TMF1: variants seen among roughly 807,000 people sequenced by gnomAD.
TMF1 encodes TATA element modulatory factor 1.
Under a neutral mutation model 126.5 loss-of-function variants are expected in TMF1, and 71 were observed. The observed-to-expected ratio is 0.56, with a 90% confidence interval of 0.46 to 0.68. The LOEUF is 0.68. Ranked by LOEUF, TMF1 falls within the 30% of genes least tolerant of loss-of-function variation. The pLI, the probability that TMF1 is intolerant of heterozygous loss-of-function variation, is 0.00. For synonymous variants in TMF1, 461 were observed against 430.5 expected, an observed-to-expected ratio of 1.07 and a Z score of -0.88; for missense variants, 1,259 against 1,253.2, an observed-to-expected ratio of 1.00 and a Z score of -0.07.
Position 69,043,879 on chromosome 3 carries a change from A to G in TMF1, c.1452-3T>C. 2.5e-6 allele frequency: 4 copies of G among 1,594,602 alleles called. No individual in the cohort carries two copies. Among genetic ancestry groups the G allele is most frequent in the Non-Finnish European group, 3.4e-6 (4 of 1,171,814 alleles). On this transcript the variant is annotated splice_polypyrimidine_tract_variant and splice_region_variant and intron_variant, in intron 3 of 16. Transcript: ENST00000398559. ...CTTCTTTCACTCTGAACATTTCACT[A>G]AATTTAAAATAATATTTGAGAATGA...
Position 69,029,835 on chromosome 3 carries a change from T to C in TMF1, c.2574A>G (p.Lys858=). ...CTCACCTATTGTTCTCATCCTCCAG[T>C]TTACACAGCCTATTTTTCTCTGATT... The part of the protein sequence containing the change: ...QLESEKNRLC[K]LEDENNRYQV... Residue 858 remains lysine (K), a synonymous_variant, in exon 11 of 17, where the codon AAA becomes AAG. Transcript: ENST00000398559. The C allele has an allele frequency of 6.2e-7, 1 of 1,612,614 alleles. No individual in the cohort carries two copies.
rs2091747505 is a variant in TMF1, at chr3:69,022,930, G to C, written c.*247C>G. 9.0e-6 allele frequency: 3 copies of C among 332,656 alleles called. No individual in the cohort carries two copies. The highest frequency in any genetic ancestry group is 1.6e-5 in the Non-Finnish European group (3 of 184,314). 20.6% of individuals were successfully genotyped at this position (332,656 alleles called of 1,614,324 possible). A position where few individuals can be genotyped will look rare whatever the true frequency, so the allele number is the denominator to read the frequency against. ...AGTAATAAATCTCTGTGCTATTCAA[G>C]GAAAAAAAATGAATGCTTTAAAAAA... On this transcript the variant is annotated 3_prime_UTR_variant, in exon 17 of 17. Coordinates refer to ENST00000398559, the MANE Select transcript of TMF1 (RefSeq NM_007114.3).
In TMF1 at chr3:69,048,110, T is replaced by C; in HGVS notation, c.595A>G (p.Ser199Gly). Reference protein sequence around the residue: ...VPTVSLKVSESVIDVKTTMES... With the variant: ...VPTVSLKVSEGVIDVKTTMES... ...ATAGTTGTTTTCACATCAATTACAC[T>C]TTCAGATACTTTCAAACTTACAGTT... Residue 199 changes from serine to glycine, a missense_variant, in exon 2 of 17, where the codon AGT becomes GGT. Transcript: ENST00000398559. The C allele has an allele frequency of 6.2e-7, 1 of 1,614,214 alleles. No individual in the cohort carries two copies. The highest frequency in any genetic ancestry group is 2.2e-5 in the East Asian group (1 of 44,888).
intron 8 of TMF1, among the ~76,000 whole-genome samples, chr3:69,037,322 A>C (rs6549177): frequency 6.6e-6 from 1 of 152,016 alleles, no homozygotes; most frequent in Non-Finnish European, 1.5e-5. Flanking sequence ...CTGAAACCCC[A>C]TGTCTACTAA....
chr3:69,023,330 G>A lies in TMF1; in HGVS notation c.3139-10C>T, dbSNP rs17048274. On this transcript the variant is annotated splice_polypyrimidine_tract_variant and intron_variant, in intron 16 of 16. Coordinates refer to ENST00000398559, the MANE Select transcript of TMF1 (RefSeq NM_007114.3). ...ACCTTTGATCCAAATCCTGAAAAAT[G>A]TATTTGTTTACAATTTTTAAAATAA... 34,750 of 1,598,496 alleles carry A rather than the reference G, an allele frequency of 0.022. 406 individuals are homozygous for A. Among genetic ancestry groups the A allele is most frequent in the Non-Finnish European group, 0.023 (27,333 of 1,172,686 alleles).
In TMF1 at chr3:69,038,619, G is replaced by A. The variant is rs2091845798; in HGVS notation, c.2096C>T (p.Ala699Val). The A allele has an allele frequency of 3.7e-6, 6 of 1,614,004 alleles. No homozygotes were observed. Among genetic ancestry groups the A allele is most frequent in the East Asian group, 4.5e-5 (2 of 44,890 alleles). The change falls in exon 8 of 17, where the codon GCA (alanine) becomes GTA (valine). Residue 699 changes from alanine (A) to valine (V), a missense_variant. By Grantham distance (64) the Ala-to-Val change is moderately conservative (BLOSUM62 0). Transcript: ENST00000398559. ...GGCTTCTTCTTGGGCCTTCTCTAAT[G>A]CTGCAGAAAGTTCTTCTTTAGCTTT... is the stretch of plus-strand genomic sequence containing the variant. ...EMKAKEELSA[A>V]LEKAQEEARQ...
intron 5 of TMF1, among the ~76,000 whole-genome samples, chr3:69,042,091 C>T (rs151086880): frequency 0.022 from 3,325 of 152,198 alleles, 53 homozygotes; most frequent in Non-Finnish European, 0.036. Context: ...GGCTGCAGTA[C>T]AGTGGCGTGA....
At chr3:69,034,157 T>C (rs1287910053) in intron 9 of TMF1, among the ~76,000 whole-genome samples, 1 of 152,106 alleles carries the variant, frequency 6.6e-6, no homozygotes, top group East Asian at 1.9e-4. Context: ...GAGAGTTAGA[T>C]TGTGTAATAC....
intron 9 of TMF1, among the ~76,000 whole-genome samples, chr3:69,034,185 T>C (rs1250752220): frequency 6.6e-6 from 1 of 152,154 alleles, no homozygotes; most frequent in Non-Finnish European, 1.5e-5. Context: ...AAATAAGTAC[T>C]TCTTTGGCCA....
At chr3:69,027,016 GAA>G (rs1284999690) in intron 13 of TMF1, among the ~76,000 whole-genome samples, 1 of 151,650 alleles carries the variant, frequency 6.6e-6, no homozygotes, top group Admixed American at 6.6e-5. Flanking sequence ...ATTTTTTTGA[GAA>G]AGAGTCTCGA....
intron 8 of TMF1, 26 bp downstream of exon 8, chr3:69,038,538 A>C (rs2091845071): frequency 6.2e-7 from 1 of 1,603,988 alleles, no homozygotes; most frequent in Admixed American, 1.7e-5. Context: ...TTTTAAAACT[A>C]CTCTAATTCA....
intron 16 of TMF1, 61 bp downstream of exon 16, chr3:69,023,994 T>C: frequency 2.1e-6 from 3 of 1,454,782 alleles, no homozygotes; most frequent in Non-Finnish European, 2.8e-6. Flanking sequence ...ATTAAAAACA[T>C]GAGATTTAAA....
chr3:69,036,754 C>A (rs2091833580), intron 8 of TMF1, among the ~76,000 whole-genome samples: 1 of 152,106 alleles, frequency 6.6e-6, no homozygotes, highest in Admixed American at 6.5e-5. Flanking sequence ...GTTTTCTCAA[C>A]AACTGGTCCT....
Position 69,048,224 on chromosome 3 carries a change from C to G in TMF1, c.481G>C (p.Gly161Arg), listed in dbSNP as rs1465108052. The change falls in exon 2 of 17, where the codon GGG becomes CGG. Residue 161 changes from glycine (G) to arginine (R), a missense_variant. Coordinates refer to ENST00000398559, the MANE Select transcript of TMF1 (RefSeq NM_007114.3). ...GAAGTACCTGCTGCCAGAGTTTCCC[C>G]TGAAACACACAAAGAAGAGTCTTTT... Reference protein sequence around the residue: ...QVKDSSLCVSGETLAAGTSSP... With the variant: ...QVKDSSLCVSRETLAAGTSSP... 6.2e-7 allele frequency: 1 copy of G among 1,614,210 alleles called. No homozygotes were observed. The highest frequency in any genetic ancestry group is 1.3e-5 in the African/African-American group (1 of 75,058).
At chr3:69,024,202 T>C in intron 15 of TMF1, 22 bp from the exon 16 acceptor site, 3 of 1,581,292 alleles carry the variant, frequency 1.9e-6, no homozygotes, top group African/African-American at 1.4e-5. Flanking sequence ...TACCACAAAA[T>C]AGTTTAAATC....
chr3:69,047,922 A>C lies in TMF1; in HGVS notation c.783T>G (p.Val261=), dbSNP rs182691241. The part of the protein sequence containing the change: ...SGTSTTSDIE[V]LDHESVISES... Reference sequence around the variant, plus strand: ...CACTTATTACACTTTCATGATCTAAAACTTCAATATCACTGGTGGTAGAAG... The same window carrying C: ...CACTTATTACACTTTCATGATCTAACACTTCAATATCACTGGTGGTAGAAG... Residue 261 remains valine (V), a synonymous_variant, in exon 2 of 17, where the codon GTT becomes GTG. Coordinates refer to ENST00000398559, the MANE Select transcript of TMF1 (RefSeq NM_007114.3). The C allele has an allele frequency of 3.7e-5, 59 of 1,613,756 alleles. No individual in the cohort carries two copies. The African/African-American group carries it at 7.1e-4, about 19-fold the overall frequency.
intron 13 of TMF1, among the ~76,000 whole-genome samples, chr3:69,027,275 T>A (rs2091773811): frequency 6.6e-6 from 1 of 152,140 alleles, no homozygotes; most frequent in Non-Finnish European, 1.5e-5. Flanking sequence ...GGATTACAGA[T>A]GTGAGTCCCC....
chr3:69,029,695 C>G, intron 11 of TMF1, 120 bp downstream of exon 11: 1 of 911,428 alleles, frequency 1.1e-6, no homozygotes, highest in Non-Finnish European at 1.6e-6. Context: ...CCCGCCTTGG[C>G]CTCCCAATGT....
intron 9 of TMF1, 57 bp from the exon 10 acceptor site, chr3:69,033,761 A>T (rs2091817716): frequency 6.9e-7 from 1 of 1,458,370 alleles, no homozygotes; most frequent in South Asian, 1.4e-5. Context: ...CATTAAAAAC[A>T]CTAGCAAACC....
Sources: allele counts gnomAD v4.1 joint callset (sites outside exome capture counted in the v4.1 genomes callset), GRCh38; gene constraint gnomAD v4.1.1; transcripts MANE v1.5; gene names NCBI Gene and HGNC (gene_info 2026-07-23, HGNC 2026-07-21).